Variants in ERG observed in about 807,000 individuals in gnomAD.
ERG encodes the protein transcriptional regulator ERG.
In ERG, 9 loss-of-function variants were observed where a neutral mutation model predicts 55.3. The observed-to-expected ratio is 0.16, with a 90% CI of 0.10 to 0.28. The LOEUF (loss-of-function observed/expected upper bound fraction) is 0.28, where lower values mean the gene tolerates loss of function less well. Among genes scored for constraint, ERG ranks in the 10% least tolerant of loss-of-function variants. The probability of loss-of-function intolerance (pLI) is 1.00; values close to 1 mark genes in which losing one functional copy is unlikely to be tolerated. For missense variants in ERG, 434 were observed against 631.6 expected, an observed-to-expected ratio of 0.69 and a Z score of 3.35; for synonymous variants, 223 against 237.3, an observed-to-expected ratio of 0.94 and a Z score of 0.55.
intron 3 of ERG, among the ~76,000 whole-genome samples, chr21:38,411,651 G>A (rs138588194): frequency 1.6e-4 from 25 of 152,206 alleles, no homozygotes; most frequent in Admixed American, 5.2e-4. Context: ...CTCTTTTGGC[G>A]GCCTAGTGCA....
At chr21:38,473,039 G>C (rs2059154108) in intron 1 of ERG, among the ~76,000 whole-genome samples, 1 of 152,068 alleles carries the variant, frequency 6.6e-6, no homozygotes, top group South Asian at 2.1e-4. Context: ...AGAACTTCCG[G>C]GACCTGCAAG....
chr21:38,466,458 A>C (rs1474550086), intron 1 of ERG, among the ~76,000 whole-genome samples: 2 of 152,230 alleles, frequency 1.3e-5, no homozygotes, highest in South Asian at 4.1e-4. Flanking sequence ...TAATTAATTG[A>C]AAAGTACAGT....
upstream of ERG, among the ~76,000 whole-genome samples, chr21:38,585,991 G>A (rs972439396): frequency 6.6e-6 from 1 of 151,906 alleles, no homozygotes; most frequent in Admixed American, 6.6e-5. Flanking sequence ...AAGAGGGAAG[G>A]CAGGAAAGGA....
intron 2 of ERG, among the ~76,000 whole-genome samples, chr21:38,436,923 T>C (rs2058796602): frequency 6.7e-6 from 1 of 150,154 alleles, no homozygotes; most frequent in Non-Finnish European, 1.5e-5. Flanking sequence ...AGACAGAGTC[T>C]TGCTCTGTCA....
intron 1 of ERG, among the ~76,000 whole-genome samples, chr21:38,486,440 C>T (rs758587338): frequency 7.9e-5 from 12 of 152,068 alleles, no homozygotes; most frequent in East Asian, 1.9e-4. Flanking sequence ...GATGTTTGCA[C>T]GATGAAATCA....
At chr21:38,630,013 A>T (rs1168048010) in intron 1 of ERG, among the ~76,000 whole-genome samples, 1 of 152,182 alleles carries the variant, frequency 6.6e-6, no homozygotes, top group African/African-American at 2.4e-5. Context: ...CAAAAGAACA[A>T]ATATCATATG....
intron 1 of ERG, among the ~76,000 whole-genome samples, chr21:38,476,360 C>T (rs1345239719): frequency 6.6e-6 from 1 of 152,200 alleles, no homozygotes; most frequent in Non-Finnish European, 1.5e-5. Context: ...CCCATTGTCT[C>T]CACGTTTAGG....
intron 2 of ERG, among the ~76,000 whole-genome samples, chr21:38,431,016 A>G (rs750660423): frequency 4.6e-5 from 7 of 152,260 alleles, no homozygotes; most frequent in Admixed American, 6.5e-5. Context: ...GACGTGCCCA[A>G]TGAAACTGGC....
At chr21:38,488,930 A>T (rs1050898933) in intron 1 of ERG, among the ~76,000 whole-genome samples, 1 of 152,212 alleles carries the variant, frequency 6.6e-6, no homozygotes, top group Non-Finnish European at 1.5e-5. Context: ...TAGAAACTTT[A>T]TATTTTTACC....
chr21:38,430,159 C>G (rs549072560), intron 2 of ERG, among the ~76,000 whole-genome samples: 32 of 152,186 alleles, frequency 2.1e-4, no homozygotes, highest in African/African-American at 6.7e-4. Flanking sequence ...TTGCATTTCC[C>G]TGATAACAAG....
intron 1 of ERG, among the ~76,000 whole-genome samples, chr21:38,468,990 AAAAAAAAAAAAG>A (rs906734183): frequency 4.0e-4 from 29 of 71,986 alleles, no homozygotes; most frequent in South Asian, 1.5e-3. Flanking sequence ...CTCAAAAAAA[AAAAAAAAAAAAG>A]AAAAAAAAAA....
chr21:38,616,731 C>T (rs927923079), intron 1 of ERG, among the ~76,000 whole-genome samples: 2 of 152,094 alleles, frequency 1.3e-5, no homozygotes, highest in Non-Finnish European at 2.9e-5. Flanking sequence ...GTCTACCCTC[C>T]CCCACCTCAT....
chr21:38,515,984 A>G (rs1282909179), intron 2 of ERG, among the ~76,000 whole-genome samples: 1 of 152,118 alleles, frequency 6.6e-6, no homozygotes. Flanking sequence ...AACATACCTC[A>G]ATATATTAAA....
At chr21:38,379,401 T>A (rs1353243637), downstream of ERG, among the ~76,000 whole-genome samples, 1 of 152,258 alleles carries the variant, frequency 6.6e-6, no homozygotes, top group Non-Finnish European at 1.5e-5. Flanking sequence ...ATCTCCAGAT[T>A]GTTTTATGAA....
chr21:38,659,851 C>T (rs1480414341), intron 1 of ERG, among the ~76,000 whole-genome samples: 3 of 152,208 alleles, frequency 2.0e-5, no homozygotes, highest in Admixed American at 6.5e-5. Context: ...ATGCAACATA[C>T]CATAGCAATA....
chr21:38,638,109 T>C (rs1361635783), intron 1 of ERG, among the ~76,000 whole-genome samples: 3 of 152,042 alleles, frequency 2.0e-5, no homozygotes, highest in Non-Finnish European at 2.9e-5. Context: ...GGGGGCCTGG[T>C]TTGTGAAACT....
At chr21:38,402,670 G>C (rs1473821857) in intron 4 of ERG, 33 bp from the exon 5 acceptor site, 1 of 593,824 alleles carries the variant, frequency 1.7e-6, no homozygotes, top group Non-Finnish European at 2.3e-6. Flanking sequence ...ACATCAAAAT[G>C]AAAAAAAAAA....
intron 1 of ERG, among the ~76,000 whole-genome samples, chr21:38,616,786 T>C (rs1336289488): frequency 1.3e-5 from 2 of 152,038 alleles, no homozygotes; most frequent in Non-Finnish European, 2.9e-5. Context: ...CCAAGTCCCA[T>C]GGTGGAAACC....
intron 1 of ERG, among the ~76,000 whole-genome samples, chr21:38,490,141 C>T (rs919712169): frequency 6.6e-6 from 1 of 151,998 alleles, no homozygotes; most frequent in Non-Finnish European, 1.5e-5. Context: ...CTCACTGTGT[C>T]TGTCAGAGTT....
Sources: gnomAD v4.1 joint callset for allele counts (sites outside exome capture counted in the v4.1 genomes callset) on GRCh38, gnomAD v4.1.1 for gene constraint, MANE v1.5 for transcripts, NCBI Gene and HGNC (gene_info 2026-07-23, HGNC 2026-07-21) for gene names.